Variants in SQOR observed in about 807,000 individuals in gnomAD.
The protein encoded by SQOR is sulfide quinone oxidoreductase, also known as sulfide:quinone oxidoreductase, mitochondrial.
A neutral mutation model predicts 48.6 loss-of-function variants in SQOR; 39 were observed. The observed-to-expected ratio is 0.80, with a 90% CI of 0.62 to 1.05. SQOR has a LOEUF of 1.05. Among genes scored for constraint, SQOR ranks in the 50% least tolerant of loss-of-function variants. SQOR has a pLI of 0.00. For missense variants in SQOR, 561 were observed against 559.9 expected (o/e 1.00, Z -0.02); for synonymous variants, 220 against 206.2 (o/e 1.07, Z -0.57).
At chr15:45,678,987 G>A (rs1439830604) in intron 6 of SQOR, among the ~76,000 whole-genome samples, 4 of 152,206 alleles carry the variant, frequency 2.6e-5, no homozygotes, top group South Asian at 2.1e-4. Flanking sequence ...GTAAGAGCCC[G>A]AAGCATCCTT....
chr15:45,672,793 C>T (rs374746512), intron 4 of SQOR, among the ~76,000 whole-genome samples: 1 of 152,190 alleles, frequency 6.6e-6, no homozygotes, highest in South Asian at 2.1e-4. Flanking sequence ...TGCATGTGTC[C>T]TGTACATGCA....
At chr15:45,651,842 T>A (rs1045761439) in intron 1 of SQOR, among the ~76,000 whole-genome samples, 1 of 151,826 alleles carries the variant, frequency 6.6e-6, no homozygotes, top group Non-Finnish European at 1.5e-5. Context: ...TCATTGGTAG[T>A]TAATTCTTCT....
chr15:45,632,935 T>G (rs1345660524), upstream of SQOR, among the ~76,000 whole-genome samples: 1 of 145,596 alleles, frequency 6.9e-6, no homozygotes, highest in Non-Finnish European at 1.5e-5. Flanking sequence ...GAGATCTCCA[T>G]CTCTACAAAA....
chr15:45,689,705 C>G (rs1432784299), intron 9 of SQOR, among the ~76,000 whole-genome samples: 1 of 152,122 alleles, frequency 6.6e-6, no homozygotes, highest in African/African-American at 2.4e-5. Flanking sequence ...CAGGCATGAG[C>G]CACCGCTCCT....
chr15:45,636,014 A>G (rs1390330136), intron 1 of SQOR, among the ~76,000 whole-genome samples: 1 of 152,076 alleles, frequency 6.6e-6, no homozygotes, highest in Non-Finnish European at 1.5e-5. Flanking sequence ...TATTTGTAGT[A>G]GAGGCGGGTT....
intron 1 of SQOR, among the ~76,000 whole-genome samples, chr15:45,642,852 A>G (rs1248146752): frequency 6.6e-6 from 1 of 151,346 alleles, no homozygotes; most frequent in East Asian, 1.9e-4. Context: ...CCCAGCCTCT[A>G]TCTTATCTGA....
At chr15:45,685,757 C>A (rs1890211748) in intron 7 of SQOR, among the ~76,000 whole-genome samples, 1 of 152,128 alleles carries the variant, frequency 6.6e-6, no homozygotes. Flanking sequence ...TCTTTATGGC[C>A]CTCAAAAAGG....
chr15:45,636,498 G>A (rs1350644941), intron 1 of SQOR, among the ~76,000 whole-genome samples: 2 of 151,686 alleles, frequency 1.3e-5, no homozygotes, highest in East Asian at 3.9e-4. Flanking sequence ...CCGCCTGCTG[G>A]GTTCAAGTGA....
At chr15:45,650,498 G>A (rs903338992) in intron 1 of SQOR, among the ~76,000 whole-genome samples, 51 of 152,316 alleles carry the variant, frequency 3.3e-4, no homozygotes, top group African/African-American at 1.2e-3. Flanking sequence ...TGGACTCAAA[G>A]AGCGAGCAAC....
At chr15:45,689,007 A>G in intron 8 of SQOR, 32 bp from the exon 9 acceptor site, 1 of 1,596,290 alleles carries the variant, frequency 6.3e-7, no homozygotes, top group Non-Finnish European at 8.6e-7. Context: ...AAAAAAATCT[A>G]CTTTCCAACT....
intron 1 of SQOR, among the ~76,000 whole-genome samples, chr15:45,651,540 C>T (rs186297247): frequency 7.0e-4 from 106 of 152,362 alleles, no homozygotes; most frequent in African/African-American, 2.5e-3. Flanking sequence ...GTGAGGGCTG[C>T]GAGGGCTGCC....
At chr15:45,659,797 T>G (rs536409659) in intron 2 of SQOR, among the ~76,000 whole-genome samples, 7 of 152,344 alleles carry the variant, frequency 4.6e-5, no homozygotes, top group African/African-American at 1.4e-4. Context: ...CCAAATAAGG[T>G]TACATTCCCA....
intron 5 of SQOR, 65 bp downstream of exon 5, chr15:45,673,866 A>T (rs1889988393): frequency 4.0e-6 from 6 of 1,493,956 alleles, no homozygotes; most frequent in Non-Finnish European, 5.5e-6. Flanking sequence ...GATTGCAAGA[A>T]TTCCATTTTA....
At chr15:45,641,213 G>T (rs1595569507) in intron 1 of SQOR, among the ~76,000 whole-genome samples, 1 of 152,132 alleles carries the variant, frequency 6.6e-6, no homozygotes, top group East Asian at 1.9e-4. Context: ...CAGTTCTCTT[G>T]TTACAATGCA....
chr15:45,680,079 G>GTTTT (rs1595508647), intron 6 of SQOR, among the ~76,000 whole-genome samples: 2 of 152,008 alleles, frequency 1.3e-5, no homozygotes, highest in East Asian at 1.9e-4. Context: ...TTGTTTGTTT[G>GTTTT]TTTTTTTCTT....
At chr15:45,633,586 C>T (rs1348398199), upstream of SQOR, among the ~76,000 whole-genome samples, 2 of 149,836 alleles carry the variant, frequency 1.3e-5, no homozygotes. Context: ...CCCAGCTACT[C>T]GGGAGGCTGA....
intron 1 of SQOR, among the ~76,000 whole-genome samples, chr15:45,640,613 T>C (rs1895088804): frequency 6.6e-6 from 1 of 152,228 alleles, no homozygotes; most frequent in Non-Finnish European, 1.5e-5. Context: ...TTTCTCATTA[T>C]GGTAAGACCT....
At chr15:45,688,955 C>A (rs1485476334) in intron 8 of SQOR, 84 bp from the exon 9 acceptor site, 2 of 1,121,040 alleles carry the variant, frequency 1.8e-6, no homozygotes, top group East Asian at 2.5e-5. Flanking sequence ...TATAAGCACT[C>A]ACAGCAAATA....
intron 7 of SQOR, among the ~76,000 whole-genome samples, chr15:45,686,735 A>G (rs1890232211): frequency 6.6e-6 from 1 of 152,236 alleles, no homozygotes; most frequent in South Asian, 2.1e-4. Flanking sequence ...TAAGCATTTT[A>G]TAATACAAAG....
Sources: allele counts gnomAD v4.1 joint callset (sites outside exome capture counted in the v4.1 genomes callset), GRCh38; gene constraint gnomAD v4.1.1; transcripts MANE v1.5; gene names NCBI Gene and HGNC (gene_info 2026-07-23, HGNC 2026-07-21).